The following GALNT4 variants were observed in gnomAD, a reference collection of about 807,000 sequenced individuals.
GALNT4 encodes the protein UDP-GalNAc:polypeptide N-acetylgalactosaminyltransferase 4.
Under a neutral mutation model 45.1 loss-of-function variants are expected in GALNT4, and 23 were observed. The ratio of observed to expected loss-of-function variants is 0.51; its 90% CI spans 0.37 to 0.72. GALNT4 has a LOEUF of 0.72. Among genes scored for constraint, GALNT4 ranks in the 30% least tolerant of loss-of-function variants. The probability of loss-of-function intolerance (pLI) is 0.00; values close to 1 mark genes in which losing one functional copy is unlikely to be tolerated. For missense variants in GALNT4, 757 were observed against 709.0 expected (o/e 1.07, Z -0.77); for synonymous variants, 264 against 257.6 (o/e 1.02, Z -0.24).
At position 89,524,535 on chromosome 12, in the gene GALNT4, C is replaced by A. The variant is rs778200897; in HGVS notation, c.15G>T (p.Trp5Cys). 1.9e-6 allele frequency: 3 copies of A among 1,611,346 alleles called. No individual in the cohort carries two copies. The highest frequency in any genetic ancestry group is 1.3e-5 in the African/African-American group (1 of 74,868). MAVRWTWAGKSCLLL... is the reference protein window; with the variant it reads MAVRCTWAGKSCLLL... ...GCAGGCAGCTCTTGCCTGCCCAAGT[C>A]CACCTCACCGCCATCCGGATTCTCA... Residue 5 changes from tryptophan to cysteine, a missense_variant, in exon 1 of 1, where the codon TGG (tryptophan) becomes TGT (cysteine). Trp to Cys is a radical substitution (Grantham distance 215). Coordinates refer to ENST00000529983, the MANE Select transcript of GALNT4 (RefSeq NM_003774.5).
chr12:89,524,660 A>T lies in GALNT4; in HGVS notation c.-111T>A, dbSNP rs1871258263. Reference sequence around the variant, plus strand: ...TACTTCCCAGCAGGTTCTTCCTTTCATGCAGGCGCTAGGCTCCTTTCCAGC... The same window carrying T: ...TACTTCCCAGCAGGTTCTTCCTTTCTTGCAGGCGCTAGGCTCCTTTCCAGC... On this transcript the variant is annotated 5_prime_UTR_variant, in exon 1 of 1. An upstream start codon of the reference 5' UTR is lost. Transcript: ENST00000529983. 8.6e-7 allele frequency: 1 copy of T among 1,156,932 alleles called. No individual in the cohort carries two copies. The highest frequency in any genetic ancestry group is 1.5e-5 in the African/African-American group (1 of 64,614). 71.7% of individuals were successfully genotyped at this position (1,156,932 alleles called of 1,614,324 possible).
chr12:89,524,580 GCCA>G lies in GALNT4; in HGVS notation c.-34_-32del. On this transcript the variant is annotated 5_prime_UTR_variant, in exon 1 of 1. Transcript: ENST00000529983. ...TTCTCAGGGCTGAGGCGCAGACGCG[GCCA>G]CCAAGCCACCACGCAGGGGAAGGGC... The G allele has an allele frequency of 6.2e-7, 1 of 1,607,032 alleles. No homozygotes were observed. Among genetic ancestry groups the G allele is most frequent in the Non-Finnish European group, 8.5e-7 (1 of 1,177,944 alleles).
chr12:89,524,667 C>A lies in GALNT4; in HGVS notation c.-118G>T, dbSNP rs1314278219. 5 of 1,078,416 alleles carry A rather than the reference C, an allele frequency of 4.6e-6. No individual in the cohort carries two copies. Among genetic ancestry groups the A allele is most frequent in the African/African-American group, 1.6e-5 (1 of 63,048 alleles). The allele number at this position is 1,078,416 out of a possible 1,614,324, so 66.8% of individuals were successfully genotyped here. A position where few individuals can be genotyped will look rare whatever the true frequency, so the allele number is the denominator to read the frequency against. On this transcript the variant is annotated 5_prime_UTR_variant, in exon 1 of 1. Coordinates refer to ENST00000529983, the MANE Select transcript of GALNT4 (RefSeq NM_003774.5). ...CAGCAGGTTCTTCCTTTCATGCAGG[C>A]GCTAGGCTCCTTTCCAGCCACCCAG...
rs951743640 is a variant in GALNT4, at chr12:89,521,701, T to G, written c.*1112A>C. The G allele has an allele frequency of 3.0e-5, 8 of 267,844 alleles. No individual in the cohort carries two copies. Among genetic ancestry groups the G allele is most frequent in the South Asian group, 1.7e-4 (1 of 5,866 alleles). 16.6% of individuals were successfully genotyped at this position (267,844 alleles called of 1,614,324 possible). A position where few individuals can be genotyped will look rare whatever the true frequency, so the allele number is the denominator to read the frequency against. On this transcript the variant is annotated 3_prime_UTR_variant, in exon 1 of 1. Transcript: ENST00000529983. Reference sequence around the variant, plus strand: ...CTCAGCTGAGCCATTCATTCATTCATTCAGTCATTCATTCACCCACTTACT... The same window carrying G: ...CTCAGCTGAGCCATTCATTCATTCAGTCAGTCATTCATTCACCCACTTACT...
In GALNT4 at chr12:89,519,661, T is replaced by C. The variant is rs1242220611; in HGVS notation, c.*3152A>G. ...CCTAAACCAACTAAGACTATACAAC[T>C]TAAAAATAAGCTGTCTTCATCCTAG... On this transcript the variant is annotated 3_prime_UTR_variant, in exon 1 of 1. Coordinates refer to ENST00000529983, the MANE Select transcript of GALNT4 (RefSeq NM_003774.5). 1 of 152,536 alleles carries C rather than the reference T, an allele frequency of 6.6e-6. No homozygotes were observed. Among genetic ancestry groups the C allele is most frequent in the East Asian group, 1.9e-4 (1 of 5,196 alleles). 9.4% of individuals were successfully genotyped at this position (152,536 alleles called of 1,614,324 possible).
rs1481862713 is a variant in GALNT4, at chr12:89,524,089, G to C, written c.461C>G (p.Thr154Ser). 6.2e-7 allele frequency: 1 copy of C among 1,613,972 alleles called. No individual in the cohort carries two copies. The highest frequency in any genetic ancestry group is 2.2e-5 in the East Asian group (1 of 44,890). The change falls in exon 1 of 1, where the codon ACC becomes AGC. Residue 154 changes from threonine (T) to serine (S), a missense_variant. Coordinates refer to ENST00000529983, the MANE Select transcript of GALNT4 (RefSeq NM_003774.5). Reference sequence around the variant, plus strand: ...AGAAGTTTCTAAAACACTGTGAATGGTACGGAGCAAAGTCGACCAGGCTTC... The same window carrying C: ...AGAAGTTTCTAAAACACTGTGAATGCTACGGAGCAAAGTCGACCAGGCTTC... Reference protein sequence around the residue: ...YNEAWSTLLRTIHSVLETSPA... With the variant: ...YNEAWSTLLRSIHSVLETSPA...
rs141839725 is a variant in GALNT4, at chr12:89,523,604, C to T, written c.946G>A (p.Val316Ile). 27 of 1,560,604 alleles carry T rather than the reference C, an allele frequency of 1.7e-5. No homozygotes were observed. In the East Asian group the frequency reaches 4.7e-4, roughly 27 times the overall value. ...SPTMAGGLFA[V>I]SKKYFQYLGT... Reference sequence around the variant, plus strand: ...AGGTACTGAAAATATTTCTTGCTGACAGCAAACAGTCCTCCAGCCATGGTA... The same window carrying T: ...AGGTACTGAAAATATTTCTTGCTGATAGCAAACAGTCCTCCAGCCATGGTA... Residue 316 changes from valine (V) to isoleucine (I), a missense_variant, in exon 1 of 1, where the codon GTC becomes ATC. Val to Ile is a conservative substitution (Grantham distance 29). Transcript: ENST00000529983.
In GALNT4 at chr12:89,522,896, G is replaced by A. The variant is rs772083185; in HGVS notation, c.1654C>T (p.Arg552Trp). The A allele has an allele frequency of 2.0e-5, 33 of 1,613,736 alleles. No homozygotes were observed. Among genetic ancestry groups the A allele is most frequent in the South Asian group, 3.3e-5 (3 of 91,032 alleles). The change falls in exon 1 of 1, where the codon CGG becomes TGG. Residue 552 changes from arginine to tryptophan, a missense_variant. Coordinates refer to ENST00000529983, the MANE Select transcript of GALNT4 (RefSeq NM_003774.5). ...PHSGLCLSAY[R>W]TPEGRPDVQM... Reference sequence around the variant, plus strand: ...ACATCAGGTCGGCCCTCCGGTGTCCGATAAGCACTAAGACACAGTCCTGAG... The same window carrying A: ...ACATCAGGTCGGCCCTCCGGTGTCCAATAAGCACTAAGACACAGTCCTGAG...
Position 89,523,993 on chromosome 12 carries a change from A to G in GALNT4, c.557T>C (p.Leu186Pro). The G allele has an allele frequency of 3.7e-6, 6 of 1,613,882 alleles. No homozygotes were observed. The highest frequency in any genetic ancestry group is 5.1e-6 in the Non-Finnish European group (6 of 1,179,856). ...ATCAAGATTGCTGATGTAAGTTTCAAGTTGTGTCTTCAAATAAACTCTGTC... is the reference window on the plus strand; with the variant it reads ...ATCAAGATTGCTGATGTAAGTTTCAGGTTGTGTCTTCAAATAAACTCTGTC... ...LSDRVYLKTQ[L>P]ETYISNLDRV... The change falls in exon 1 of 1, where the codon CTT becomes CCT. Residue 186 changes from leucine (L) to proline (P), a missense_variant. Coordinates refer to ENST00000529983, the MANE Select transcript of GALNT4 (RefSeq NM_003774.5).
Position 89,523,236 on chromosome 12 carries a change from T to C in GALNT4, c.1314A>G (p.Pro438=). 1 of 1,614,048 alleles carries C rather than the reference T, an allele frequency of 6.2e-7. No individual in the cohort carries two copies. The highest frequency in any genetic ancestry group is 8.5e-7 in the Non-Finnish European group (1 of 1,179,908). The change falls in exon 1 of 1, where the codon CCA becomes CCG. Residue 438 remains proline, a synonymous_variant. Transcript: ENST00000529983. ...CCCCATGCCAGCCTGGTCTATCCTC[T>C]GGAACATGTAAATTAGGAAAAACGT... ...LKNVFPNLHV[P]EDRPGWHGAI... is the part of the protein sequence containing the mutation.
In GALNT4 at chr12:89,524,067, A is replaced by G. The variant is rs1048811360; in HGVS notation, c.483T>C (p.Thr161=). The G allele has an allele frequency of 5.6e-6, 9 of 1,613,808 alleles. No homozygotes were observed. Among genetic ancestry groups the G allele is most frequent in the Non-Finnish European group, 7.6e-6 (9 of 1,179,812 alleles). ...TCTCTTTCAAAAGAACTGCAGGAGAAGTTTCTAAAACACTGTGAATGGTAC... is the reference window on the plus strand; with the variant it reads ...TCTCTTTCAAAAGAACTGCAGGAGAGGTTTCTAAAACACTGTGAATGGTAC... ...LLRTIHSVLE[T]SPAVLLKEII... Residue 161 remains threonine (T), a synonymous_variant, in exon 1 of 1, where the codon ACT becomes ACC. Transcript: ENST00000529983.
chr12:89,520,080 T>C lies in GALNT4; in HGVS notation c.*2733A>G, dbSNP rs771242821. ...AATTAAATTGGAACGTGCCTAAATA[T>C]GAAAATGTGAAAGTCCCACTTTTCT... On this transcript the variant is annotated 3_prime_UTR_variant, in exon 1 of 1. Coordinates refer to ENST00000529983, the MANE Select transcript of GALNT4 (RefSeq NM_003774.5). The C allele has an allele frequency of 6.6e-5, 10 of 152,280 alleles. No homozygotes were observed. Among genetic ancestry groups the C allele is most frequent in the Admixed American group, 4.6e-4 (7 of 15,302 alleles). 9.4% of individuals were successfully genotyped at this position (152,280 alleles called of 1,614,324 possible). A position where few individuals can be genotyped will look rare whatever the true frequency, so the allele number is the denominator to read the frequency against.
At position 89,522,589 on chromosome 12, in the gene GALNT4, AT is replaced by A; in HGVS notation, c.*223del. 1 of 434,066 alleles carries A rather than the reference AT, an allele frequency of 2.3e-6. No individual in the cohort carries two copies. Among genetic ancestry groups the A allele is most frequent in the East Asian group, 3.6e-5 (1 of 27,780 alleles). The allele number at this position is 434,066 out of a possible 1,614,324, so 26.9% of individuals were successfully genotyped here. A position where few individuals can be genotyped will look rare whatever the true frequency, so the allele number is the denominator to read the frequency against. On this transcript the variant is annotated 3_prime_UTR_variant, in exon 1 of 1. Coordinates refer to ENST00000529983, the MANE Select transcript of GALNT4 (RefSeq NM_003774.5). ...AAGAGACCATATTGACAAAACTCTT[AT>A]ATAAAACAACCAATAAGTAAGGCAT...
rs1464118460 is a variant in GALNT4 at position 89,521,214 on chromosome 12, C to T, written c.*1599G>A. On this transcript the variant is annotated 3_prime_UTR_variant, in exon 1 of 1. Coordinates refer to ENST00000529983, the MANE Select transcript of GALNT4 (RefSeq NM_003774.5). ...TGCCTCACAGGTTCACGCCATTCTC[C>T]TGCCTCAGCCTCCTGAGTAGCTGGG... 1 of 152,028 alleles carries T rather than the reference C, an allele frequency of 6.6e-6. No homozygotes were observed. The highest frequency in any genetic ancestry group is 1.5e-5 in the Non-Finnish European group (1 of 68,172). 9.4% of individuals were successfully genotyped at this position (152,028 alleles called of 1,614,324 possible). A position where few individuals can be genotyped will look rare whatever the true frequency, so the allele number is the denominator to read the frequency against.
Position 89,523,785 on chromosome 12 carries a change from A to C in GALNT4, c.765T>G (p.Val255=). ...GRDETAVVCP[V]IDTIDWNTFE... ...AAGTATTCCAATCAATTGTGTCTAT[A>C]ACAGGACACACAACTGCTGTTTCAT... is the stretch of plus-strand genomic sequence containing the variant. Residue 255 remains valine (V), a synonymous_variant, in exon 1 of 1, where the codon GTT becomes GTG. Coordinates refer to ENST00000529983, the MANE Select transcript of GALNT4 (RefSeq NM_003774.5). The C allele has an allele frequency of 6.5e-7, 1 of 1,537,048 alleles. No individual in the cohort carries two copies.
chr12:89,524,099 A>G lies in GALNT4; in HGVS notation c.451T>C (p.Leu151=). 3 of 1,614,046 alleles carry G rather than the reference A, an allele frequency of 1.9e-6. No homozygotes were observed. The highest frequency in any genetic ancestry group is 2.5e-6 in the Non-Finnish European group (3 of 1,179,902). The change falls in exon 1 of 1, where the codon TTG becomes CTG. Residue 151 remains leucine, a synonymous_variant. Coordinates refer to ENST00000529983, the MANE Select transcript of GALNT4 (RefSeq NM_003774.5). ...AAAACACTGTGAATGGTACGGAGCAAAGTCGACCAGGCTTCGTTATAGAAA... is the reference window on the plus strand; with the variant it reads ...AAAACACTGTGAATGGTACGGAGCAGAGTCGACCAGGCTTCGTTATAGAAA... ...IAFYNEAWST[L]LRTIHSVLET... is the part of the protein sequence containing the mutation.
rs758222289 is a variant in GALNT4 at position 89,519,585 on chromosome 12, C to T, written c.*3228G>A. ...TTTTAAAATTATTAAAACAGGAATT[C>T]AAAAGGACAAGCAAATAAAAACCAA... On this transcript the variant is annotated 3_prime_UTR_variant, in exon 1 of 1. Coordinates refer to ENST00000529983, the MANE Select transcript of GALNT4 (RefSeq NM_003774.5). The T allele has an allele frequency of 7.9e-5, 12 of 152,450 alleles. No individual in the cohort carries two copies. The highest frequency in any genetic ancestry group is 1.2e-4 in the Non-Finnish European group (8 of 67,988). 9.4% of individuals were successfully genotyped at this position (152,450 alleles called of 1,614,324 possible). A position where few individuals can be genotyped will look rare whatever the true frequency, so the allele number is the denominator to read the frequency against.
rs114108949 is a variant in GALNT4 at position 89,521,707 on chromosome 12, C to T, written c.*1106G>A. On this transcript the variant is annotated 3_prime_UTR_variant, in exon 1 of 1. Coordinates refer to ENST00000529983, the MANE Select transcript of GALNT4 (RefSeq NM_003774.5). Reference sequence around the variant, plus strand: ...TGAGCCATTCATTCATTCATTCAGTCATTCATTCACCCACTTACTGAAAGC... The same window carrying T: ...TGAGCCATTCATTCATTCATTCAGTTATTCATTCACCCACTTACTGAAAGC... 9.4e-4 allele frequency: 263 copies of T among 280,758 alleles called. 1 individual carries two copies. Among genetic ancestry groups the T allele is most frequent in the African/African-American group, 5.2e-3 (240 of 46,274 alleles). The allele number at this position is 280,758 out of a possible 1,614,324, so 17.4% of individuals were successfully genotyped here. A position where few individuals can be genotyped will look rare whatever the true frequency, so the allele number is the denominator to read the frequency against.
In GALNT4 at chr12:89,521,841, G is replaced by A. The variant is rs1870904604; in HGVS notation, c.*972C>T. ...GATAAATTCTTAAATTTCCTGATCA[G>A]CAGAACTCGTAGGAGAGTTCCACAG... is the stretch of plus-strand genomic sequence containing the variant. On this transcript the variant is annotated 3_prime_UTR_variant, in exon 1 of 1. Coordinates refer to ENST00000529983, the MANE Select transcript of GALNT4 (RefSeq NM_003774.5). 2 of 397,372 alleles carry A rather than the reference G, an allele frequency of 5.0e-6. No homozygotes were observed. The highest frequency in any genetic ancestry group is 8.9e-6 in the Non-Finnish European group (2 of 225,644). 24.6% of individuals were successfully genotyped at this position (397,372 alleles called of 1,614,324 possible).
Sources: gnomAD v4.1 joint callset for allele counts on GRCh38, gnomAD v4.1.1 for gene constraint, MANE v1.5 for transcripts, NCBI Gene and HGNC (gene_info 2026-07-23, HGNC 2026-07-21) for gene names.